LAMB1: variants seen among roughly 807,000 people sequenced by gnomAD.
The protein encoded by LAMB1 is laminin subunit beta 1.
Under a neutral mutation model 222.3 loss-of-function variants are expected in LAMB1, and 121 were observed. That is an observed-to-expected ratio of 0.54 (90% confidence interval 0.47 to 0.63). The LOEUF (loss-of-function observed/expected upper bound fraction) is 0.63, where lower values mean the gene tolerates loss of function less well. Among genes scored for constraint, LAMB1 ranks in the 30% least tolerant of loss-of-function variants. The pLI is 0.00. For synonymous variants in LAMB1, 794 were observed against 807.2 expected (o/e 0.98, Z 0.28); for missense variants, 2,172 against 2,240.8 (o/e 0.97, Z 0.62).
chr7:107,989,875 T>C (rs1408315321), intron 5 of LAMB1, among the ~76,000 whole-genome samples: 2 of 152,182 alleles, frequency 1.3e-5, no homozygotes, highest in African/African-American at 4.8e-5. Context: ...CCCGTGGAGT[T>C]AAGAAGCTGC....
intron 13 of LAMB1, among the ~76,000 whole-genome samples, chr7:107,969,798 T>C (rs567199586): frequency 6.6e-6 from 1 of 152,330 alleles, no homozygotes; most frequent in South Asian, 2.1e-4. Context: ...ACTTGTGTAT[T>C]CAACCATATC....
chr7:107,955,488 C>G lies in LAMB1; in HGVS notation c.2833G>C (p.Val945Leu). 1 of 1,613,958 alleles carries G rather than the reference C, an allele frequency of 6.2e-7. No homozygotes were observed. The highest frequency in any genetic ancestry group is 1.3e-5 in the African/African-American group (1 of 75,028). The stretch of plus-strand genomic sequence containing the variant: ...TTACCAATGTATCCAGGATCACAAA[C>G]ACAGGCAAGCTGTAAAGTAACAGGA... ...QDPVTLQLACVCDPGYIGSRC... is the reference protein window; with the variant it reads ...QDPVTLQLACLCDPGYIGSRC... Residue 945 changes from valine to leucine, a missense_variant, in exon 21 of 34, where the codon GTT becomes CTT. By Grantham distance (32) the Val-to-Leu change is conservative. Coordinates refer to ENST00000222399, the MANE Select transcript of LAMB1 (RefSeq NM_002291.3).
At position 107,944,887 on chromosome 7, in the gene LAMB1, C is replaced by A. The variant is rs144534951; in HGVS notation, c.3392-4529G>T. On this transcript the variant is annotated intron_variant, in intron 24 of 33. Coordinates refer to ENST00000222399, the MANE Select transcript of LAMB1 (RefSeq NM_002291.3). Reference sequence around the variant, plus strand: ...AACTGTGAACTGACTATTCAGGCTGCAGCTGATGAGGTCCAGTGGGCTCCT... The same window carrying A: ...AACTGTGAACTGACTATTCAGGCTGAAGCTGATGAGGTCCAGTGGGCTCCT... 8.6e-3 allele frequency among the ~76,000 whole-genome samples: 1,307 copies of A among 152,304 alleles called. 6 individuals are homozygous for A. The highest frequency in any genetic ancestry group is 0.014 in the Non-Finnish European group (954 of 68,018).
intron 20 of LAMB1, among the ~76,000 whole-genome samples, chr7:107,957,058 G>A (rs57658396): frequency 0.031 from 4,671 of 152,252 alleles, 237 homozygotes; most frequent in African/African-American, 0.11. Context: ...GAACTTTGGA[G>A]ACAATCTCAT....
rs532248535 is a variant in LAMB1 at position 107,982,859 on chromosome 7, C to T, written c.677-2048G>A. On this transcript the variant is annotated intron_variant, in intron 7 of 33. Coordinates refer to ENST00000222399, the MANE Select transcript of LAMB1 (RefSeq NM_002291.3). ...ATCAAATGCATGATCAGCTAACATG[C>T]ATGCTTCCGTAACATAGAAAAAGAT... Among the ~76,000 whole-genome samples, 6 of 152,338 alleles carry T rather than the reference C, an allele frequency of 3.9e-5. No individual in the cohort carries two copies. The South Asian group carries it at 1.2e-3, about 32-fold the overall frequency.
At chr7:107,998,023 T>G (rs2034312929) in intron 4 of LAMB1, among the ~76,000 whole-genome samples, 1 of 152,172 alleles carries the variant, frequency 6.6e-6, no homozygotes, top group Non-Finnish European at 1.5e-5. Flanking sequence ...AGATGTTACA[T>G]TTTGTGGAAG....
rs968018738 is a variant in LAMB1, at chr7:107,952,290, A to G, written c.3080-67T>C. On this transcript the variant is annotated intron_variant, in intron 22 of 33. Transcript: ENST00000222399. ...ATACACAGGCATGCGGATGTTAGCC[A>G]CATCTAAATGCTAAGATGTTCCCAC... 21 of 1,188,244 alleles carry G rather than the reference A, an allele frequency of 1.8e-5. No homozygotes were observed. The East Asian group carries it at 5.3e-4, about 30-fold the overall frequency. 73.6% of individuals were successfully genotyped at this position (1,188,244 alleles called of 1,614,324 possible).
chr7:107,977,062 C>T (rs2033880500), intron 9 of LAMB1, among the ~76,000 whole-genome samples: 1 of 148,766 alleles, frequency 6.7e-6, no homozygotes, highest in East Asian at 2.0e-4. Flanking sequence ...CCTCTCCCTC[C>T]TTCCTTCCTT....
At position 107,978,097 on chromosome 7, in the gene LAMB1, T is replaced by C. The variant is rs766344894; in HGVS notation, c.950A>G (p.His317Arg). The C allele has an allele frequency of 1.2e-5, 19 of 1,614,070 alleles. No homozygotes were observed. The highest frequency in any genetic ancestry group is 1.6e-5 in the Non-Finnish European group (19 of 1,180,026). Residue 317 changes from histidine (H) to arginine (R), a missense_variant, in exon 9 of 34, where the codon CAT (histidine) becomes CGT (arginine). Transcript: ENST00000222399. Reference protein sequence around the residue: ...LNCELCMDFYHDLPWRPAEGR... With the variant: ...LNCELCMDFYRDLPWRPAEGR... ...TTCAGCAGGTCTCCAAGGTAAATCA[T>C]GGTAGAAATCCATGCAGAGTTCACA...
At position 107,926,318 on chromosome 7, in the gene LAMB1, G is replaced by A. The variant is rs139263832; in HGVS notation, c.4929C>T (p.Asn1643=). Residue 1643 remains asparagine (N), a synonymous_variant, in exon 32 of 34, where the codon AAC becomes AAT. Coordinates refer to ENST00000222399, the MANE Select transcript of LAMB1 (RefSeq NM_002291.3). ...ETAASEETLF[N]ASQRISELER... Reference sequence around the variant, plus strand: ...CTAACTCGCTGATGCGCTGGGACGCGTTGAACAAGGTTTCCTCAGAAGCTG... The same window carrying A: ...CTAACTCGCTGATGCGCTGGGACGCATTGAACAAGGTTTCCTCAGAAGCTG... 9.0e-4 allele frequency: 1,448 copies of A among 1,613,816 alleles called. 9 individuals carry two copies. The African/African-American group carries it at 0.011, about 12-fold the overall frequency.
intron 7 of LAMB1, among the ~76,000 whole-genome samples, chr7:107,985,349 C>T (rs1333449569): frequency 2.6e-5 from 4 of 152,186 alleles, no homozygotes; most frequent in African/African-American, 7.2e-5. Context: ...TTGGGCCAGG[C>T]GCGCTGGTTC....
intron 29 of LAMB1, among the ~76,000 whole-genome samples, chr7:107,930,783 G>A (rs1416759915): frequency 6.6e-6 from 1 of 152,198 alleles, no homozygotes; most frequent in East Asian, 1.9e-4. Flanking sequence ...GCTTAAGATG[G>A]TAGAGTAGAA....
Position 107,951,218 on chromosome 7 carries a change from C to T in LAMB1, c.3391+8G>A, listed in dbSNP as rs773040694. 2 of 1,611,872 alleles carry T rather than the reference C, an allele frequency of 1.2e-6. No individual in the cohort carries two copies. The highest frequency in any genetic ancestry group is 1.7e-6 in the Non-Finnish European group (2 of 1,178,058). On this transcript the variant is annotated splice_region_variant and intron_variant, in intron 24 of 33. Coordinates refer to ENST00000222399, the MANE Select transcript of LAMB1 (RefSeq NM_002291.3). ...GATCAAGTCAATGCGAGAACGCCCA[C>T]AACTCACCTCGGCACTCCACGTCGG...
At chr7:107,990,098 G>C (rs2034154333) in intron 5 of LAMB1, among the ~76,000 whole-genome samples, 1 of 151,964 alleles carries the variant, frequency 6.6e-6, no homozygotes, top group Non-Finnish European at 1.5e-5. Context: ...GAGTGCACTA[G>C]TACAATCATA....
At chr7:107,945,156 G>A (rs1330419537) in intron 24 of LAMB1, among the ~76,000 whole-genome samples, 1 of 152,186 alleles carries the variant, frequency 6.6e-6, no homozygotes, top group South Asian at 2.1e-4. Context: ...CACACTCTCT[G>A]TTCTGTGGCC....
At chr7:107,960,231 T>C (rs1287974603) in intron 18 of LAMB1, among the ~76,000 whole-genome samples, 1 of 152,226 alleles carries the variant, frequency 6.6e-6, no homozygotes, top group African/African-American at 2.4e-5. Context: ...TGGTCACCTG[T>C]TATTTGCATA....
At chr7:107,954,327 T>TA (rs199818315) in intron 21 of LAMB1, among the ~76,000 whole-genome samples, 8 of 146,620 alleles carry the variant, frequency 5.5e-5, no homozygotes, top group Non-Finnish European at 6.0e-5. Context: ...ACTAATTTTG[T>TA]AAAATTTTTT....
chr7:107,931,000 A>G (rs538423393), intron 29 of LAMB1, among the ~76,000 whole-genome samples: 1 of 152,308 alleles, frequency 6.6e-6, no homozygotes, highest in Admixed American at 6.5e-5. Flanking sequence ...TATCCTGTAA[A>G]TAATAGAATT....
chr7:107,963,771 G>A (rs773350978), intron 14 of LAMB1, among the ~76,000 whole-genome samples: 5 of 152,230 alleles, frequency 3.3e-5, no homozygotes, highest in Non-Finnish European at 5.9e-5. Flanking sequence ...CTGGCAGCTT[G>A]TTTCCTCTTT....
Sources: gnomAD v4.1 joint callset for allele counts (sites outside exome capture counted in the v4.1 genomes callset) on GRCh38, gnomAD v4.1.1 for gene constraint, MANE v1.5 for transcripts, NCBI Gene and HGNC (gene_info 2026-07-23, HGNC 2026-07-21) for gene names.